Variants in ROBO2 observed in about 807,000 individuals in gnomAD.
ROBO2 encodes roundabout homolog 2.
ROBO2 carries 53 observed loss-of-function variants against 160.8 expected under a neutral mutation model. The ratio of observed to expected loss-of-function variants is 0.33; its 90% CI spans 0.26 to 0.41. The LOEUF (loss-of-function observed/expected upper bound fraction) is 0.41. ROBO2 is among the 10% of genes least tolerant of loss of function. ROBO2 has a pLI of 1.00. For synonymous variants in ROBO2, 664 were observed against 611.7 expected, an observed-to-expected ratio of 1.09 and a Z score of -1.26; for missense variants, 1,577 against 1,722.4, an observed-to-expected ratio of 0.92 and a Z score of 1.49.
intron 2 of ROBO2, among the ~76,000 whole-genome samples, chr3:76,803,866 A>C (rs564852887): frequency 6.6e-6 from 1 of 152,168 alleles, no homozygotes; most frequent in Admixed American, 6.5e-5. Context: ...AAGTCATGTA[A>C]GAGTATGATT....
chr3:76,328,298 C>A (rs1344016993), intron 2 of ROBO2, among the ~76,000 whole-genome samples: 1 of 152,140 alleles, frequency 6.6e-6, no homozygotes, highest in Non-Finnish European at 1.5e-5. Flanking sequence ...CTGAATATCC[C>A]ATTAACCAAT....
At chr3:77,110,329 G>A (rs560008433) in intron 2 of ROBO2, among the ~76,000 whole-genome samples, 151 of 152,110 alleles carry the variant, frequency 9.9e-4, no homozygotes, top group African/African-American at 3.3e-3. Flanking sequence ...AGTTTTTTGA[G>A]TCATTAACAT....
chr3:77,565,428 T>C (rs188920669), intron 12 of ROBO2, among the ~76,000 whole-genome samples: 4 of 152,224 alleles, frequency 2.6e-5, no homozygotes, highest in Admixed American at 6.5e-5. Context: ...TTAAAATTAA[T>C]TACACAATAA....
chr3:77,202,708 TC>T, intron 2 of ROBO2, among the ~76,000 whole-genome samples: 1 of 152,284 alleles, frequency 6.6e-6, no homozygotes, highest in East Asian at 1.9e-4. Flanking sequence ...CTTCCCTCCT[TC>T]CTTCTTCCTC....
At chr3:77,038,672 G>A (rs185236760), upstream of ROBO2, among the ~76,000 whole-genome samples, 1 of 152,154 alleles carries the variant, frequency 6.6e-6, no homozygotes, top group Non-Finnish European at 1.5e-5. Flanking sequence ...AGCATCAAAC[G>A]GCTACCAGCG....
intron 2 of ROBO2, among the ~76,000 whole-genome samples, chr3:76,732,477 T>TG (rs760999326): frequency 5.4e-4 from 82 of 152,082 alleles, no homozygotes; most frequent in Non-Finnish European, 3.2e-4. Context: ...AGGCAGCGTG[T>TG]GGGAAATGGG....
At chr3:77,063,229 G>A (rs1578645050) in intron 1 of ROBO2, among the ~76,000 whole-genome samples, 1 of 152,312 alleles carries the variant, frequency 6.6e-6, no homozygotes, top group East Asian at 1.9e-4. Context: ...ATGCCCATCT[G>A]CCACCCCTAA....
At chr3:77,531,163 A>G (rs1373908241) in intron 6 of ROBO2, among the ~76,000 whole-genome samples, 1 of 152,024 alleles carries the variant, frequency 6.6e-6, no homozygotes, top group Non-Finnish European at 1.5e-5. Context: ...TGAGTACTTC[A>G]CGTGAAACTT....
chr3:76,071,788 T>A (rs2068463346), intron 2 of ROBO2, among the ~76,000 whole-genome samples: 1 of 151,812 alleles, frequency 6.6e-6, no homozygotes, highest in African/African-American at 2.4e-5. Flanking sequence ...TATTTTTTAA[T>A]GATTATAATC....
chr3:77,362,280 C>G (rs549009946), intron 2 of ROBO2, among the ~76,000 whole-genome samples: 1 of 152,158 alleles, frequency 6.6e-6, no homozygotes, highest in South Asian at 2.1e-4. Context: ...GAACGAAACT[C>G]CAAATATAGC....
chr3:76,990,828 C>A (rs1452603229), intron 2 of ROBO2, among the ~76,000 whole-genome samples: 2 of 152,078 alleles, frequency 1.3e-5, no homozygotes, highest in Non-Finnish European at 2.9e-5. Context: ...GGTATGTGAC[C>A]TTCTAGGGAC....
At chr3:76,070,928 A>G (rs2068434770) in intron 2 of ROBO2, among the ~76,000 whole-genome samples, 2 of 152,200 alleles carry the variant, frequency 1.3e-5, no homozygotes, top group African/African-American at 2.4e-5. Flanking sequence ...CAAGTGTAAA[A>G]AGAAACCATA....
At position 76,955,901 on chromosome 3, in the gene ROBO2, A is replaced by AG. The variant is rs1214515575; in HGVS notation, c.110-142113_110-142112insG. 8.6e-5 allele frequency among the ~76,000 whole-genome samples: 13 copies of AG among 151,776 alleles called. No homozygotes were observed. In the South Asian group the frequency reaches 2.1e-3, roughly 24 times the overall value. On this transcript the variant is annotated intron_variant, in intron 2 of 26. Coordinates refer to the ROBO2 transcript ENST00000487694. The stretch of plus-strand genomic sequence containing the variant: ...GTGAGACTCCGTCAAAAAAAAAAAA[A>AG]AAAGAAAGAAAGAAACACATTTACT...
intron 2 of ROBO2, among the ~76,000 whole-genome samples, chr3:77,367,920 G>T (rs2071160508): frequency 2.0e-5 from 3 of 151,196 alleles, no homozygotes; most frequent in Admixed American, 2.0e-4. Context: ...GTTTTCGGAT[G>T]TGAGTTTCGT....
In ROBO2 at chr3:77,188,968, T is replaced by TGTGAGA. The variant is rs550237793; in HGVS notation, c.388+90629_388+90630insTGAGAG. Among the ~76,000 whole-genome samples the TGTGAGA allele has an allele frequency of 8.0e-3, 1,132 of 142,260 alleles. 7 individuals are homozygous for TGTGAGA. Among genetic ancestry groups the TGTGAGA allele is most frequent in the South Asian group, 0.024 (106 of 4,494 alleles). 93.3% of individuals were successfully genotyped at this position (142,260 alleles called of 152,430 possible). On this transcript the variant is annotated intron_variant, in intron 2 of 25. Transcript: ENST00000461745. ...GTAATCTTGTGTGTGTGTGTGTGTG[T>TGTGAGA]GAGAGAGAGAGAGAGAGAGAGAGAG...
intron 2 of ROBO2, among the ~76,000 whole-genome samples, chr3:76,830,097 G>A (rs913985945): frequency 6.6e-6 from 1 of 152,108 alleles, no homozygotes; most frequent in African/African-American, 2.4e-5. Flanking sequence ...CTTTTCTCCT[G>A]TTCTGGCCTG....
At position 77,617,692 on chromosome 3, in the gene ROBO2, G is replaced by C. The variant is rs774423792; in HGVS notation, c.3473G>C (p.Arg1158Pro). 76 of 1,613,890 alleles carry C rather than the reference G, an allele frequency of 4.7e-5. No homozygotes were observed. The highest frequency in any genetic ancestry group is 5.9e-5 in the Non-Finnish European group (70 of 1,180,006). Residue 1158 changes from arginine (R) to proline (P), a missense_variant, in exon 22 of 26, where the codon CGG (arginine) becomes CCG (proline). By Grantham distance (103) the Arg-to-Pro change is moderately radical. This residue lies in a region of ROBO2 where 637 missense variants were observed against 586.9 expected (regional missense o/e 1.09). Coordinates refer to ENST00000461745, the Ensembl canonical transcript of ROBO2. ...ACTGCAACTCTTACTCCATCCCCACGGGAAGAGATGCAACCCATGCTGCAG... is the reference window on the plus strand; with the variant it reads ...ACTGCAACTCTTACTCCATCCCCACCGGAAGAGATGCAACCCATGCTGCAG...
chr3:77,508,861 A>G (rs970996246), intron 5 of ROBO2, among the ~76,000 whole-genome samples: 3 of 152,108 alleles, frequency 2.0e-5, no homozygotes, highest in African/African-American at 7.2e-5. Context: ...CTGAAGATCA[A>G]ACTTCGGTTT....
intron 2 of ROBO2, among the ~76,000 whole-genome samples, chr3:77,432,791 CA>C (rs2078910094): frequency 6.6e-6 from 1 of 152,150 alleles, no homozygotes; most frequent in Non-Finnish European, 1.5e-5. Flanking sequence ...ATCAGGAATT[CA>C]TGCTACCCTA....
Sources: allele counts gnomAD v4.1 joint callset (sites outside exome capture counted in the v4.1 genomes callset), GRCh38; gene constraint gnomAD v4.1.1; regional missense constraint gnomAD v4.1.1; transcripts MANE v1.5; gene names NCBI Gene and HGNC (gene_info 2026-07-23, HGNC 2026-07-21).